The following KIF2A variants were observed in gnomAD, a reference collection of about 807,000 sequenced individuals.
KIF2A encodes the protein kinesin-like protein KIF2A.
In KIF2A, 22 loss-of-function variants were observed where a neutral mutation model predicts 100.2. The observed-to-expected ratio is 0.22, with a 90% CI of 0.16 to 0.31. The LOEUF is 0.31. Among genes scored for constraint, KIF2A ranks in the 10% least tolerant of loss-of-function variants. The pLI is 1.00. For missense variants in KIF2A, 495 were observed against 898.7 expected, an observed-to-expected ratio of 0.55 and a Z score of 5.74; for synonymous variants, 268 against 285.9, an observed-to-expected ratio of 0.94 and a Z score of 0.63.
At chr5:62,384,587 G>T (rs764218447) in intron 20 of KIF2A, among the ~76,000 whole-genome samples, 54 of 152,096 alleles carry the variant, frequency 3.6e-4, no homozygotes, top group Non-Finnish European at 5.4e-4. Flanking sequence ...CCCGCTGGGG[G>T]CCAAAAATCA....
chr5:62,315,249 C>CAAAAAAAAAAAAAAAAAA (rs765995590), intron 1 of KIF2A, among the ~76,000 whole-genome samples: 1 of 66,542 alleles, frequency 1.5e-5, no homozygotes, highest in Non-Finnish European at 2.9e-5. Context: ...AAAAACAGAC[C>CAAAAAAAAAAAAAAAAAA]AAAAAAAAAA....
intron 1 of KIF2A, among the ~76,000 whole-genome samples, chr5:62,337,552 GC>G (rs2111871474): frequency 6.6e-6 from 1 of 152,166 alleles, no homozygotes; most frequent in African/African-American, 2.4e-5. Flanking sequence ...GTTATGAGAG[GC>G]TGGGAGCAGT....
chr5:62,356,597 A>G (rs1467457655), intron 7 of KIF2A, among the ~76,000 whole-genome samples: 1 of 152,218 alleles, frequency 6.6e-6, no homozygotes, highest in Non-Finnish European at 1.5e-5. Flanking sequence ...ATACTTATGC[A>G]TAAGAATTGG....
At chr5:62,358,965 T>C (rs879786172) in intron 9 of KIF2A, among the ~76,000 whole-genome samples, 1 of 152,234 alleles carries the variant, frequency 6.6e-6, no homozygotes, top group Non-Finnish European at 1.5e-5. Flanking sequence ...GCCACTGTTA[T>C]GCCTGGCCAA....
intron 7 of KIF2A, among the ~76,000 whole-genome samples, chr5:62,355,579 A>T (rs1748060409): frequency 6.6e-6 from 1 of 152,296 alleles, no homozygotes; most frequent in South Asian, 2.1e-4. Flanking sequence ...CTTTGATCTC[A>T]GTTCCAAGCT....
At chr5:62,317,879 T>C (rs1745897160) in intron 1 of KIF2A, among the ~76,000 whole-genome samples, 1 of 152,184 alleles carries the variant, frequency 6.6e-6, no homozygotes. Context: ...AAAGACATTC[T>C]AGTTTTCTCC....
chr5:62,328,968 T>C (rs1436374100), intron 1 of KIF2A, among the ~76,000 whole-genome samples: 1 of 152,172 alleles, frequency 6.6e-6, no homozygotes, highest in Non-Finnish European at 1.5e-5. Context: ...CATCACCCTA[T>C]AGAAACTGAG....
chr5:62,321,676 G>A (rs574775133), intron 1 of KIF2A, among the ~76,000 whole-genome samples: 3 of 151,422 alleles, frequency 2.0e-5, no homozygotes, highest in Admixed American at 6.6e-5. Flanking sequence ...GATCCTCCCC[G>A]CTCAGCCTCC....
chr5:62,381,100 G>T lies in KIF2A; in HGVS notation c.2014-18G>T. On this transcript the variant is annotated intron_variant, in intron 19 of 20. Coordinates refer to ENST00000407818, the MANE Select transcript of KIF2A (RefSeq NM_001098511.3). ...GCACAAAGATGCTTATTGGATTATC[G>T]AATTTTTGTCCTTGTAGGAATCTAT... 1 of 1,596,130 alleles carries T rather than the reference G, an allele frequency of 6.3e-7. No homozygotes were observed. The highest frequency in any genetic ancestry group is 1.1e-5 in the South Asian group (1 of 88,948).
rs572610560 is a variant in KIF2A, at chr5:62,366,535, G to C, written c.1646+54G>C. On this transcript the variant is annotated intron_variant, in intron 16 of 20. Transcript: ENST00000407818. Reference sequence around the variant, plus strand: ...TTTGAGGGGAGTACAGCAGTACATAGTATAATTTAATATCTGCCTCGTGCG... The same window carrying C: ...TTTGAGGGGAGTACAGCAGTACATACTATAATTTAATATCTGCCTCGTGCG... 38 of 1,096,262 alleles carry C rather than the reference G, an allele frequency of 3.5e-5. No homozygotes were observed. In the Admixed American group the frequency reaches 6.6e-4, roughly 19 times the overall value. The allele number at this position is 1,096,262 out of a possible 1,614,324, so 67.9% of individuals were successfully genotyped here. A position where few individuals can be genotyped will look rare whatever the true frequency, so the allele number is the denominator to read the frequency against.
In KIF2A at chr5:62,361,146, T is replaced by G. The variant is rs1014029655; in HGVS notation, c.873-96T>G. ...ATTTGTTTAGAATCTTGCTATTAAGTTTTATTTATTAATAAAATACTTTGT... is the reference window on the plus strand; with the variant it reads ...ATTTGTTTAGAATCTTGCTATTAAGGTTTATTTATTAATAAAATACTTTGT... On this transcript the variant is annotated intron_variant, in intron 9 of 20. Coordinates refer to ENST00000407818, the MANE Select transcript of KIF2A (RefSeq NM_001098511.3). 59 of 548,856 alleles carry G rather than the reference T, an allele frequency of 1.1e-4. No homozygotes were observed. Among genetic ancestry groups the G allele is most frequent in the South Asian group, 5.4e-4 (13 of 23,932 alleles). 34.0% of individuals were successfully genotyped at this position (548,856 alleles called of 1,614,324 possible).
chr5:62,385,624 G>C lies in KIF2A; in HGVS notation c.*55G>C. 1 of 1,260,628 alleles carries C rather than the reference G, an allele frequency of 7.9e-7. No homozygotes were observed. Among genetic ancestry groups the C allele is most frequent in the Non-Finnish European group, 1.1e-6 (1 of 885,148 alleles). 78.1% of individuals were successfully genotyped at this position (1,260,628 alleles called of 1,614,324 possible). On this transcript the variant is annotated 3_prime_UTR_variant, in exon 21 of 21. Transcript: ENST00000407818. ...AACCCTCACTACTGTAACATACAAC[G>C]GTTCAGCTGTAAGGGCCATTTGAAA...
rs188907846 is a variant in KIF2A at position 62,370,450 on chromosome 5, C to T, written c.1647-1988C>T. 7.6e-4 allele frequency among the ~76,000 whole-genome samples: 116 copies of T among 152,170 alleles called. 2 individuals carry two copies. Among genetic ancestry groups the T allele is most frequent in the African/African-American group, 2.5e-3 (103 of 41,536 alleles). On this transcript the variant is annotated intron_variant, in intron 16 of 20. Coordinates refer to ENST00000407818, the MANE Select transcript of KIF2A (RefSeq NM_001098511.3). ...CTGGGATTACAGGCGCCCGTCACCA[C>T]GCCCAGCTAATTTTTTTGTATTTTT...
intron 1 of KIF2A, among the ~76,000 whole-genome samples, chr5:62,325,614 A>G (rs1561252484): frequency 6.6e-6 from 1 of 152,210 alleles, no homozygotes; most frequent in African/African-American, 2.4e-5. Context: ...ACCAGTCACG[A>G]TGGCTATTAT....
At position 62,375,673 on chromosome 5, in the gene KIF2A, C is replaced by T. The variant is rs188997441; in HGVS notation, c.1911+1836C>T. 1.5e-3 allele frequency among the ~76,000 whole-genome samples: 236 copies of T among 152,276 alleles called. 1 individual carries two copies. The highest frequency in any genetic ancestry group is 5.5e-3 in the African/African-American group (228 of 41,560). On this transcript the variant is annotated intron_variant, in intron 18 of 20. Transcript: ENST00000407818. ...CAGATACACTTACTACTTTTTGTTA[C>T]CATGTTCCAAATCACTGTTACTAAA...
At chr5:62,337,498 A>T (rs1049079628) in intron 1 of KIF2A, among the ~76,000 whole-genome samples, 4 of 151,980 alleles carry the variant, frequency 2.6e-5, no homozygotes, top group African/African-American at 9.7e-5. Context: ...TCAAAAAAAA[A>T]AATAAAGATT....
At position 62,361,623 on chromosome 5, in the gene KIF2A, AT is replaced by A. The variant is rs1348117085; in HGVS notation, c.1027+95del. On this transcript the variant is annotated intron_variant, in intron 11 of 20. Transcript: ENST00000407818. ...GGCTTTAAAATATTGTTCAGCAACT[AT>A]AATGCTATATTAACTGTCTATTATG... The A allele has an allele frequency of 1.0e-4, 71 of 710,774 alleles. No individual in the cohort carries two copies. In the East Asian group the frequency reaches 1.8e-3, roughly 18 times the overall value. 44.0% of individuals were successfully genotyped at this position (710,774 alleles called of 1,614,324 possible).
chr5:62,356,007 C>T (rs1220253973), intron 7 of KIF2A, among the ~76,000 whole-genome samples: 1 of 152,010 alleles, frequency 6.6e-6, no homozygotes, highest in Non-Finnish European at 1.5e-5. Context: ...TCTCGAACTC[C>T]TGACCTCAGG....
At chr5:62,342,926 A>G (rs1455678454) in intron 1 of KIF2A, among the ~76,000 whole-genome samples, 3 of 151,626 alleles carry the variant, frequency 2.0e-5, no homozygotes, top group Middle Eastern at 3.2e-3. Flanking sequence ...ATAATTTTGT[A>G]TTTTTAGTAG....
Sources: allele counts gnomAD v4.1 joint callset (sites outside exome capture counted in the v4.1 genomes callset), GRCh38; gene constraint gnomAD v4.1.1; transcripts MANE v1.5; gene names NCBI Gene and HGNC (gene_info 2026-07-23, HGNC 2026-07-21).